The following NDFIP2 variants were observed in gnomAD, a reference collection of about 807,000 sequenced individuals.
NDFIP2 encodes the protein Nedd4 family interacting protein 2.
In NDFIP2, 19 loss-of-function variants were observed where a neutral mutation model predicts 36.0. The observed-to-expected ratio is 0.53, with a 90% CI of 0.37 to 0.77. The LOEUF is 0.77. Ranked by LOEUF, NDFIP2 falls within the 30% of genes least tolerant of loss-of-function variation. The probability of loss-of-function intolerance (pLI) is 0.00; values close to 1 mark genes in which losing one functional copy is unlikely to be tolerated. For missense variants in NDFIP2, 446 were observed against 435.8 expected (o/e 1.02, Z -0.21); for synonymous variants, 181 against 167.7 (o/e 1.08, Z -0.61).
At chr13:79,544,114 G>C (rs1054288727) in intron 5 of NDFIP2, among the ~76,000 whole-genome samples, 1 of 152,096 alleles carries the variant, frequency 6.6e-6, no homozygotes, top group Non-Finnish European at 1.5e-5. Flanking sequence ...ATATAGTGCA[G>C]GTATGCCTAA....
At chr13:79,526,093 G>A (rs1406549114) in intron 2 of NDFIP2, among the ~76,000 whole-genome samples, 2 of 152,308 alleles carry the variant, frequency 1.3e-5, no homozygotes, top group East Asian at 3.9e-4. Flanking sequence ...GATGCTGGTA[G>A]TATGACTAAG....
intron 1 of NDFIP2, among the ~76,000 whole-genome samples, chr13:79,504,926 A>G (rs980835023): frequency 1.3e-5 from 2 of 152,204 alleles, no homozygotes; most frequent in Non-Finnish European, 1.5e-5. Context: ...ATAATCTGAT[A>G]CTGTCATAAT....
intron 2 of NDFIP2, among the ~76,000 whole-genome samples, chr13:79,529,961 G>T (rs1049642723): frequency 6.6e-6 from 1 of 152,056 alleles, no homozygotes; most frequent in Non-Finnish European, 1.5e-5. Context: ...TACTCTTAAG[G>T]GTGCAGTAGC....
At chr13:79,528,263 A>G (rs1874877350) in intron 2 of NDFIP2, among the ~76,000 whole-genome samples, 1 of 152,176 alleles carries the variant, frequency 6.6e-6, no homozygotes, top group South Asian at 2.1e-4. Context: ...CACACAAAAA[A>G]AAGTTTAAAA....
intron 4 of NDFIP2, among the ~76,000 whole-genome samples, chr13:79,540,833 A>G (rs1329133846): frequency 6.6e-6 from 1 of 152,188 alleles, no homozygotes; most frequent in East Asian, 1.9e-4. Flanking sequence ...TACTAATTGT[A>G]ATGTTCACGT....
chr13:79,525,341 C>T (rs1007159151), intron 2 of NDFIP2, among the ~76,000 whole-genome samples: 8 of 152,214 alleles, frequency 5.3e-5, no homozygotes, highest in African/African-American at 1.9e-4. Context: ...GACAGCAGAA[C>T]TAGCACAAAT....
intron 1 of NDFIP2, among the ~76,000 whole-genome samples, chr13:79,483,280 A>G (rs987250740): frequency 6.6e-6 from 1 of 151,972 alleles, no homozygotes; most frequent in African/African-American, 2.4e-5. Flanking sequence ...TACAACTAAC[A>G]TTGTAAGGCA....
At chr13:79,521,008 C>CTTTT in intron 2 of NDFIP2, 33 bp downstream of exon 2, 10 of 1,216,852 alleles carry the variant, frequency 8.2e-6, no homozygotes, top group Non-Finnish European at 1.0e-5. Context: ...TTTATTAGTT[C>CTTTT]TTTTTTTTTT....
At chr13:79,499,585 G>A (rs941134190) in intron 1 of NDFIP2, among the ~76,000 whole-genome samples, 3 of 151,944 alleles carry the variant, frequency 2.0e-5, no homozygotes, top group African/African-American at 4.8e-5. Context: ...CTAAATGCTA[G>A]CAATGAACAA....
intron 2 of NDFIP2, among the ~76,000 whole-genome samples, chr13:79,527,925 C>T (rs558724998): frequency 6.6e-6 from 1 of 152,082 alleles, no homozygotes; most frequent in Non-Finnish European, 1.5e-5. Flanking sequence ...CGATCCTGAC[C>T]CTTTGTAGGC....
At chr13:79,527,042 G>A (rs967871801) in intron 2 of NDFIP2, among the ~76,000 whole-genome samples, 1 of 152,152 alleles carries the variant, frequency 6.6e-6, no homozygotes, top group Non-Finnish European at 1.5e-5. Flanking sequence ...TTGGCTATTT[G>A]AAGATCACTG....
intron 1 of NDFIP2, among the ~76,000 whole-genome samples, chr13:79,486,121 A>T (rs1426760912): frequency 6.6e-6 from 1 of 152,196 alleles, no homozygotes; most frequent in African/African-American, 2.4e-5. Flanking sequence ...CATTCCCAAG[A>T]TATTTCATTA....
intron 1 of NDFIP2, among the ~76,000 whole-genome samples, chr13:79,514,486 A>G (rs1243376039): frequency 6.6e-6 from 1 of 151,194 alleles, no homozygotes; most frequent in Non-Finnish European, 1.5e-5. Flanking sequence ...TAAAATTGCT[A>G]TTGTGATAAG....
chr13:79,489,439 C>A (rs141285659), intron 1 of NDFIP2, among the ~76,000 whole-genome samples: 91 of 152,274 alleles, frequency 6.0e-4, no homozygotes, highest in African/African-American at 2.2e-3. Context: ...TTGGTCAGAG[C>A]AGTTGTAAGA....
chr13:79,543,578 CT>C lies in NDFIP2; in HGVS notation c.738del (p.Gly247AspfsTer12). 6.2e-7 allele frequency: 1 copy of C among 1,613,632 alleles called. No homozygotes were observed. Among genetic ancestry groups the C allele is most frequent in the South Asian group, 1.1e-5 (1 of 91,024 alleles). On this transcript the variant is annotated frameshift_variant, in exon 5 of 8. Coordinates refer to ENST00000218652, the MANE Select transcript of NDFIP2 (RefSeq NM_019080.3). LOFTEE classifies it high-confidence loss of function. ...TTTAGTGGCATTTATTTTCAACTGG[CT>C]TGGATTTTGTTTATCCTTCTGTATC... ...AFFMAFIFNW[L>X]GFCLSFCITN...
At position 79,545,859 on chromosome 13, in the gene NDFIP2, C is replaced by G. The variant is rs543411125; in HGVS notation, c.840+2177C>G. ...TCAAGCAATTCTCCTGCCTCATCCTCCAAGTAGCTGGGACCATGGGCACAT... is the reference window on the plus strand; with the variant it reads ...TCAAGCAATTCTCCTGCCTCATCCTGCAAGTAGCTGGGACCATGGGCACAT... On this transcript the variant is annotated intron_variant, in intron 5 of 7. Transcript: ENST00000218652. Among the ~76,000 whole-genome samples the G allele has an allele frequency of 1.5e-3, 235 of 152,294 alleles. 3 individuals are homozygous for G. The highest frequency in any genetic ancestry group is 0.015 in the South Asian group (74 of 4,824).
chr13:79,554,660 A>AT lies in NDFIP2; in HGVS notation c.*2147_*2148insT. On this transcript the variant is annotated 3_prime_UTR_variant, in exon 8 of 8. Coordinates refer to ENST00000218652, the MANE Select transcript of NDFIP2 (RefSeq NM_019080.3). ...ATCAGAATGTTATTTTCAAGAACTTAATGTTCCCTTCAGATATATAAAATC... is the reference window on the plus strand; with the variant it reads ...ATCAGAATGTTATTTTCAAGAACTTATATGTTCCCTTCAGATATATAAAATC... The AT allele has an allele frequency of 1.3e-5, 2 of 152,024 alleles. No homozygotes were observed. Among genetic ancestry groups the AT allele is most frequent in the South Asian group, 4.1e-4 (2 of 4,830 alleles). The allele number at this position is 152,024 out of a possible 1,614,324, so 9.4% of individuals were successfully genotyped here. A position where few individuals can be genotyped will look rare whatever the true frequency, so the allele number is the denominator to read the frequency against.
chr13:79,492,473 C>T (rs147896358), intron 1 of NDFIP2, among the ~76,000 whole-genome samples: 13 of 152,122 alleles, frequency 8.5e-5, no homozygotes, highest in East Asian at 7.7e-4. Context: ...TGGTGGATCA[C>T]AGCACTGCAG....
At chr13:79,543,077 A>G (rs939762013) in intron 4 of NDFIP2, among the ~76,000 whole-genome samples, 1 of 152,040 alleles carries the variant, frequency 6.6e-6, no homozygotes, top group Non-Finnish European at 1.5e-5. Context: ...GGGTTTCACC[A>G]TGTTGGCCAG....
Sources: allele counts gnomAD v4.1 joint callset (sites outside exome capture counted in the v4.1 genomes callset), GRCh38; gene constraint gnomAD v4.1.1; transcripts MANE v1.5; gene names NCBI Gene and HGNC (gene_info 2026-07-23, HGNC 2026-07-21).